GUCY2C: variants seen among roughly 807,000 people sequenced by gnomAD.
GUCY2C encodes guanylate cyclase 2C.
In GUCY2C, 118 loss-of-function variants were observed where a neutral mutation model predicts 131.1. That is an observed-to-expected ratio of 0.90 (90% CI 0.78 to 1.05). The LOEUF is 1.05. Among genes scored for constraint, GUCY2C ranks in the 50% least tolerant of loss-of-function variants. The probability of loss-of-function intolerance (pLI) is 0.00; values close to 1 mark genes in which losing one functional copy is unlikely to be tolerated. For missense variants in GUCY2C, 1,161 were observed against 1,304.4 expected, an observed-to-expected ratio of 0.89 and a Z score of 1.69; for synonymous variants, 452 against 457.8, an observed-to-expected ratio of 0.99 and a Z score of 0.16.
chr12:14,693,363 A>G (rs1463909000), intron 1 of GUCY2C, among the ~76,000 whole-genome samples: 3 of 152,154 alleles, frequency 2.0e-5, no homozygotes, highest in African/African-American at 7.2e-5. Flanking sequence ...TTGGAACCAT[A>G]CAGCCTCAGG....
At chr12:14,616,848 G>A (rs1946774143) in intron 24 of GUCY2C, 121 bp from the exon 25 acceptor site, 1 of 689,666 alleles carries the variant, frequency 1.4e-6, no homozygotes, top group Admixed American at 2.2e-5. Context: ...AACAATTGTG[G>A]CTATTTTAAT....
chr12:14,620,680 T>C (rs547572095), intron 23 of GUCY2C, among the ~76,000 whole-genome samples: 13 of 152,126 alleles, frequency 8.5e-5, no homozygotes, highest in Non-Finnish European at 1.5e-4. Context: ...TAAGATACTA[T>C]AATATTTTAG....
At chr12:14,650,811 C>A (rs995122184) in intron 15 of GUCY2C, among the ~76,000 whole-genome samples, 7 of 152,154 alleles carry the variant, frequency 4.6e-5, no homozygotes, top group African/African-American at 1.7e-4. Flanking sequence ...GTTAGAATAA[C>A]AAGCATGAAA....
In GUCY2C at chr12:14,683,264, C is replaced by G. The variant is rs1948387666; in HGVS notation, c.396-7G>C. On this transcript the variant is annotated splice_polypyrimidine_tract_variant and splice_region_variant and intron_variant, in intron 3 of 26. Transcript: ENST00000261170. ...GCTCAATTCTGTGTCAAGGCTATGT[C>G]AAGAGGTTGAGGAAAAAAGCCATTA... The G allele has an allele frequency of 1.3e-6, 2 of 1,598,320 alleles. No individual in the cohort carries two copies. The highest frequency in any genetic ancestry group is 1.3e-5 in the African/African-American group (1 of 74,576).
chr12:14,628,328 C>T (rs540882678), intron 20 of GUCY2C, among the ~76,000 whole-genome samples: 2 of 152,256 alleles, frequency 1.3e-5, no homozygotes, highest in African/African-American at 2.4e-5. Flanking sequence ...TCAGGACTCA[C>T]GCTACACTTC....
chr12:14,633,415 T>C (rs1947195199), intron 19 of GUCY2C, among the ~76,000 whole-genome samples: 1 of 151,902 alleles, frequency 6.6e-6, no homozygotes, highest in East Asian at 1.9e-4. Context: ...AGGAAAAAAG[T>C]CCTCCCCTAT....
intron 1 of GUCY2C, among the ~76,000 whole-genome samples, chr12:14,695,266 T>C (rs1447369823): frequency 1.3e-5 from 2 of 152,146 alleles, no homozygotes; most frequent in Non-Finnish European, 2.9e-5. Flanking sequence ...CTGCTTTTTT[T>C]CCCCCTTTAT....
intron 10 of GUCY2C, among the ~76,000 whole-genome samples, chr12:14,662,536 C>T (rs1490166427): frequency 6.6e-6 from 1 of 151,722 alleles, no homozygotes; most frequent in South Asian, 2.1e-4. Flanking sequence ...ATTATCTGGC[C>T]GTGGTGGTGG....
rs748003170 is a variant in GUCY2C at position 14,688,064 on chromosome 12, CT to C, written c.218-2del. On this transcript the variant is annotated splice_acceptor_variant, in intron 1 of 26. Coordinates refer to ENST00000261170, the MANE Select transcript of GUCY2C (RefSeq NM_004963.4). LOFTEE classifies it high-confidence loss of function. ...GTAGCGTTCACAGTCACATTTAGGC[CT>C]GTCGCCCAGAGATGAGGGAAAATAG... The C allele has an allele frequency of 1.9e-6, 3 of 1,588,790 alleles. No individual in the cohort carries two copies. The African/African-American group carries it at 4.0e-5, about 21-fold the overall frequency.
At chr12:14,650,190 T>C (rs940645874) in intron 15 of GUCY2C, among the ~76,000 whole-genome samples, 2 of 152,216 alleles carry the variant, frequency 1.3e-5, no homozygotes, top group African/African-American at 4.8e-5. Context: ...CCTTTCCTTA[T>C]GTTATAGTTA....
In GUCY2C at chr12:14,672,943, A is replaced by G; in HGVS notation, c.1100T>C (p.Val367Ala). ...AACATCCCCCCAGTCATCCAAGGTC[A>G]CTGGACCGTCATACCCTAGGGCAAG... is the stretch of plus-strand genomic sequence containing the variant. ...NLTFEGYDGP[V>A]TLDDWGDVDS... The change falls in exon 9 of 27, where the codon GTG (valine) becomes GCG (alanine). Residue 367 changes from valine to alanine, a missense_variant. Transcript: ENST00000261170. 6.2e-7 allele frequency: 1 copy of G among 1,603,162 alleles called. No homozygotes were observed. The highest frequency in any genetic ancestry group is 2.2e-5 in the East Asian group (1 of 44,820).
chr12:14,636,525 C>A (rs934450370), intron 19 of GUCY2C, among the ~76,000 whole-genome samples: 1 of 152,234 alleles, frequency 6.6e-6, no homozygotes, highest in East Asian at 1.9e-4. Flanking sequence ...TACAAACCTG[C>A]CAATATCACA....
chr12:14,631,074 G>A (rs2137000314), intron 19 of GUCY2C, among the ~76,000 whole-genome samples: 1 of 152,222 alleles, frequency 6.6e-6, no homozygotes, highest in East Asian at 1.9e-4. Context: ...AGAAAGGGAA[G>A]GGGAGAGGTA....
chr12:14,665,048 C>T (rs1308848609), intron 10 of GUCY2C, among the ~76,000 whole-genome samples: 1 of 151,904 alleles, frequency 6.6e-6, no homozygotes, highest in Non-Finnish European at 1.5e-5. Flanking sequence ...CCCGTCTCCA[C>T]TAAAAACATA....
chr12:14,616,090 T>C (rs1294604149), intron 25 of GUCY2C, among the ~76,000 whole-genome samples: 2 of 152,126 alleles, frequency 1.3e-5, no homozygotes, highest in Non-Finnish European at 2.9e-5. Flanking sequence ...AGATTTCTGA[T>C]CTACGCCCAC....
chr12:14,628,357 A>G (rs371600634), intron 20 of GUCY2C, among the ~76,000 whole-genome samples: 56 of 152,332 alleles, frequency 3.7e-4, no homozygotes, highest in African/African-American at 1.3e-3. Context: ...AATTACCCAC[A>G]GAAGGACCCA....
At chr12:14,682,998 C>T (rs776979747) in intron 4 of GUCY2C, 44 bp downstream of exon 4, 11 of 1,355,550 alleles carry the variant, frequency 8.1e-6, no homozygotes, top group South Asian at 3.5e-5. Flanking sequence ...CCTATGGCTT[C>T]TCTCCATGGC....
intron 1 of GUCY2C, among the ~76,000 whole-genome samples, chr12:14,693,728 C>T (rs1477566772): frequency 6.6e-6 from 1 of 152,200 alleles, no homozygotes; most frequent in Admixed American, 6.5e-5. Flanking sequence ...CTCCATAGAG[C>T]TCTCCACTTA....
In GUCY2C at chr12:14,643,690, T is replaced by G. The variant is rs748555047; in HGVS notation, c.1814A>C (p.His605Pro). 4.3e-6 allele frequency: 7 copies of G among 1,612,924 alleles called. No homozygotes were observed. The East Asian group carries it at 1.6e-4, about 36-fold the overall frequency. ...YDIAKGMSYL[H>P]SSKTEVHGRL... ...ACCATGGACTTCTGTCTTACTGGAG[T>G]GCAGATATGACATTCCCTGTAATTT... Residue 605 changes from histidine (H) to proline (P), a missense_variant, in exon 17 of 27, where the codon CAC (histidine) becomes CCC (proline). His to Pro is a moderately conservative substitution (Grantham distance 77). Coordinates refer to ENST00000261170, the MANE Select transcript of GUCY2C (RefSeq NM_004963.4).
Sources: gnomAD v4.1 joint callset for allele counts (sites outside exome capture counted in the v4.1 genomes callset) on GRCh38, gnomAD v4.1.1 for gene constraint, MANE v1.5 for transcripts, NCBI Gene and HGNC (gene_info 2026-07-23, HGNC 2026-07-21) for gene names.